KDM7A: variants seen among roughly 807,000 people sequenced by gnomAD.
KDM7A encodes the protein lysine-specific demethylase 7A.
In KDM7A, 28 loss-of-function variants were observed where a neutral mutation model predicts 114.8. The observed-to-expected ratio is 0.24, with a 90% CI of 0.18 to 0.33. The LOEUF (loss-of-function observed/expected upper bound fraction) is 0.33, where lower values mean the gene tolerates loss of function less well. Ranked by LOEUF, KDM7A falls within the 10% of genes least tolerant of loss-of-function variation. The pLI, the probability that KDM7A is intolerant of heterozygous loss-of-function variation, is 1.00. For synonymous variants in KDM7A, 423 were observed against 397.8 expected, an observed-to-expected ratio of 1.06 and a Z score of -0.75; for missense variants, 942 against 1,142.5, an observed-to-expected ratio of 0.82 and a Z score of 2.53.
At chr7:140,158,229 T>C (rs931149146) in intron 1 of KDM7A, among the ~76,000 whole-genome samples, 2 of 152,156 alleles carry the variant, frequency 1.3e-5, no homozygotes, top group African/African-American at 4.8e-5. Flanking sequence ...ATTTAAGTAT[T>C]GACTTACAAC....
rs140625675 is a variant in KDM7A, at chr7:140,101,833, A to G, written c.1638+118T>C. On this transcript the variant is annotated intron_variant, in intron 12 of 19. Transcript: ENST00000397560. ...CAGGCATAACTACTGGTTGATCCCT[A>G]CAATGCTGCAGCCAAGATTAGATAT... 35 of 708,930 alleles carry G rather than the reference A, an allele frequency of 4.9e-5. No homozygotes were observed. In the African/African-American group the frequency reaches 5.5e-4, roughly 11 times the overall value. The allele number at this position is 708,930 out of a possible 1,614,324, so 43.9% of individuals were successfully genotyped here. A position where few individuals can be genotyped will look rare whatever the true frequency, so the allele number is the denominator to read the frequency against.
intron 9 of KDM7A, among the ~76,000 whole-genome samples, chr7:140,115,258 G>C (rs1298651640): frequency 2.6e-5 from 4 of 151,832 alleles, no homozygotes. Flanking sequence ...GAAGTGAGGA[G>C]CCCCTCTGCC....
intron 10 of KDM7A, among the ~76,000 whole-genome samples, chr7:140,113,175 C>G (rs1262734410): frequency 6.6e-6 from 1 of 152,216 alleles, no homozygotes; most frequent in Admixed American, 6.5e-5. Context: ...AGATTAAGCA[C>G]AGTGCTCTCA....
intron 1 of KDM7A, among the ~76,000 whole-genome samples, chr7:140,168,592 G>C (rs987548799): frequency 5.2e-4 from 78 of 151,152 alleles, no homozygotes; most frequent in Non-Finnish European, 1.5e-4. Context: ...ACTGGATGTA[G>C]GAGGCATCAA....
chr7:140,127,328 A>G (rs191391863), intron 5 of KDM7A, 114 bp downstream of exon 5: 2 of 858,188 alleles, frequency 2.3e-6, no homozygotes, highest in East Asian at 5.0e-5. Flanking sequence ...TAACATTGCT[A>G]CCACTGGACA....
rs1419036070 is a variant in KDM7A, at chr7:140,092,041, C to T, written c.2494G>A (p.Gly832Ser). 1.9e-6 allele frequency: 3 copies of T among 1,614,116 alleles called. No homozygotes were observed. The highest frequency in any genetic ancestry group is 2.5e-6 in the Non-Finnish European group (3 of 1,180,002). ...ACCCTCTGACTAATTTCTGATGAAC[C>T]TTCCTTTCTGATGCATTTCTGGCTT... ...SRSQKCIRKE[G>S]SSEISQRVQS... is the part of the protein sequence containing the mutation. Residue 832 changes from glycine (G) to serine (S), a missense_variant, in exon 19 of 20, where the codon GGT becomes AGT. Around this residue, in one of 4 missense-constraint regions of KDM7A, gnomAD observed 512 missense variants for 576.6 expected, o/e 0.89. Coordinates refer to ENST00000397560, the MANE Select transcript of KDM7A (RefSeq NM_030647.2).
intron 1 of KDM7A, among the ~76,000 whole-genome samples, chr7:140,164,961 G>A (rs1794558232): frequency 1.3e-5 from 2 of 152,190 alleles, no homozygotes; most frequent in African/African-American, 2.4e-5. Flanking sequence ...GCAACATTCG[G>A]TTGAATGATA....
intron 9 of KDM7A, among the ~76,000 whole-genome samples, chr7:140,116,245 T>C (rs1818526979): frequency 6.9e-6 from 1 of 144,564 alleles, no homozygotes; most frequent in African/African-American, 2.6e-5. Flanking sequence ...AATGTCAAAC[T>C]TGCAGAATCA....
chr7:140,141,585 A>G (rs905298360), intron 1 of KDM7A, among the ~76,000 whole-genome samples: 4 of 152,106 alleles, frequency 2.6e-5, no homozygotes, highest in Non-Finnish European at 5.9e-5. Flanking sequence ...ATATATATGT[A>G]TCTTTTTATT....
chr7:140,096,068 A>C (rs1000576341), intron 17 of KDM7A, among the ~76,000 whole-genome samples: 8 of 152,166 alleles, frequency 5.3e-5, no homozygotes, highest in African/African-American at 1.9e-4. Context: ...TAAAGGCACA[A>C]GGAAGAAAAC....
In KDM7A at chr7:140,119,143, C is replaced by T. The variant is rs977037548; in HGVS notation, c.1216G>A (p.Val406Ile). Residue 406 changes from valine to isoleucine, a missense_variant, in exon 9 of 20, where the codon GTA becomes ATA. Coordinates refer to ENST00000397560, the MANE Select transcript of KDM7A (RefSeq NM_030647.2). ...FPFFEAICWF[V>I]AKNLLETLKE... is the part of the protein sequence containing the mutation. ...AGGGTTTCCAGCAAGTTTTTGGCTA[C>T]AAACCAACATATGGCTTCAAAGAAA... The T allele has an allele frequency of 6.2e-7, 1 of 1,608,228 alleles. No individual in the cohort carries two copies. Among genetic ancestry groups the T allele is most frequent in the Non-Finnish European group, 8.5e-7 (1 of 1,176,268 alleles).
intron 11 of KDM7A, among the ~76,000 whole-genome samples, chr7:140,110,061 T>C (rs1167327162): frequency 1.3e-5 from 2 of 152,194 alleles, no homozygotes; most frequent in Admixed American, 1.3e-4. Context: ...GGCTGCTCTC[T>C]AGACCAGTTT....
At chr7:140,117,146 A>T (rs1261552630) in intron 9 of KDM7A, among the ~76,000 whole-genome samples, 1 of 152,228 alleles carries the variant, frequency 6.6e-6, no homozygotes, top group South Asian at 2.1e-4. Context: ...TATGATTGCC[A>T]GGTATTCTAC....
rs1389991375 is a variant in KDM7A at position 140,089,472 on chromosome 7, G to A, written c.*1622C>T. On this transcript the variant is annotated 3_prime_UTR_variant, in exon 20 of 20. Coordinates refer to ENST00000397560, the MANE Select transcript of KDM7A (RefSeq NM_030647.2). ...TACTTAATAGAGAAGGGTAAGTCCT[G>A]CTATCTTGCTGAGTAAAAAAAAGAC... 6.6e-6 allele frequency: 1 copy of A among 152,026 alleles called. No individual in the cohort carries two copies. Among genetic ancestry groups the A allele is most frequent in the Non-Finnish European group, 1.5e-5 (1 of 67,994 alleles). 9.4% of individuals were successfully genotyped at this position (152,026 alleles called of 1,614,324 possible). A position where few individuals can be genotyped will look rare whatever the true frequency, so the allele number is the denominator to read the frequency against.
chr7:140,126,702 G>C lies in KDM7A; in HGVS notation c.823C>G (p.Gln275Glu). 1 of 1,613,656 alleles carries C rather than the reference G, an allele frequency of 6.2e-7. No individual in the cohort carries two copies. Among genetic ancestry groups the C allele is most frequent in the South Asian group, 1.1e-5 (1 of 91,066 alleles). Residue 275 changes from glutamine (Q) to glutamate (E), a missense_variant, in exon 6 of 20, where the codon CAA becomes GAA. Around this residue, in one of 4 missense-constraint regions of KDM7A, gnomAD observed 318 missense variants for 453.1 expected, o/e 0.70. Coordinates refer to ENST00000397560, the MANE Select transcript of KDM7A (RefSeq NM_030647.2). Reference protein sequence around the residue: ...FVQKYCLMGVQDSYTDFHIDF... With the variant: ...FVQKYCLMGVEDSYTDFHIDF... ...ATGTGGAAATCTGTATAGCTGTCTT[G>C]AACTCCCATTAAGCAATATTTCTGA...
chr7:140,127,925 T>A (rs1818731934), intron 4 of KDM7A, among the ~76,000 whole-genome samples: 1 of 152,202 alleles, frequency 6.6e-6, no homozygotes, highest in Non-Finnish European at 1.5e-5. Context: ...GTAGAAATTG[T>A]GCAACACTGT....
In KDM7A at chr7:140,176,863, A is replaced by T; in HGVS notation, c.75T>A (p.Ala25=). 1 of 1,274,170 alleles carries T rather than the reference A, an allele frequency of 7.8e-7. No individual in the cohort carries two copies. The highest frequency in any genetic ancestry group is 1.0e-6 in the Non-Finnish European group (1 of 996,804). 78.9% of individuals were successfully genotyped at this position (1,274,170 alleles called of 1,614,324 possible). A position where few individuals can be genotyped will look rare whatever the true frequency, so the allele number is the denominator to read the frequency against. The change falls in exon 1 of 20, where the codon GCT becomes GCA. Residue 25 remains alanine, a synonymous_variant. Coordinates refer to ENST00000397560, the MANE Select transcript of KDM7A (RefSeq NM_030647.2). The surrounding 1 kb of genome is among the most constrained non-coding windows in gnomAD (Gnocchi z 4.4). ...GCGGAGGCGCCGAGGCCCGGCCGGG[A>T]GCCGCCACCGACACGGCTGCCGCGG... ...GAAAAAVSVA[A]PGRASAPPPP... is the part of the protein sequence containing the mutation.
At chr7:140,140,504 G>A (rs1794253981) in intron 1 of KDM7A, among the ~76,000 whole-genome samples, 1 of 152,148 alleles carries the variant, frequency 6.6e-6, no homozygotes, top group Non-Finnish European at 1.5e-5. Context: ...AGCTGGGTGT[G>A]CTGGTTCACA....
chr7:140,140,430 G>A (rs1794253046), intron 1 of KDM7A, among the ~76,000 whole-genome samples: 1 of 152,100 alleles, frequency 6.6e-6, no homozygotes, highest in Non-Finnish European at 1.5e-5. Flanking sequence ...TCTGGAAAAG[G>A]ATACTTCTAA....
Sources: gnomAD v4.1 joint callset for allele counts (sites outside exome capture counted in the v4.1 genomes callset) on GRCh38, gnomAD v4.1.1 for gene constraint, gnomAD v4.1.1 regional missense constraint, Gnocchi (gnomAD v3.1) non-coding constraint, MANE v1.5 for transcripts, NCBI Gene and HGNC (gene_info 2026-07-23, HGNC 2026-07-21) for gene names.